BSPH1: variants seen among roughly 807,000 people sequenced by gnomAD.
BSPH1 encodes binder of sperm protein homolog 1.
In BSPH1, 21 loss-of-function variants were observed where a neutral mutation model predicts 22.5. The observed-to-expected ratio is 0.93, with a 90% CI of 0.66 to 1.35. The LOEUF is 1.35. BSPH1 is among the 40% of genes most tolerant of loss of function. The probability of loss-of-function intolerance (pLI) is 0.00; values close to 1 mark genes in which losing one functional copy is unlikely to be tolerated. For missense variants in BSPH1, 141 were observed against 154.2 expected, an observed-to-expected ratio of 0.91 and a Z score of 0.45; for synonymous variants, 42 against 53.6, an observed-to-expected ratio of 0.78 and a Z score of 0.95.
chr19:47,990,379 C>T (rs1969512253), intron 1 of BSPH1, among the ~76,000 whole-genome samples: 1 of 152,020 alleles, frequency 6.6e-6, no homozygotes, highest in Non-Finnish European at 1.5e-5. Flanking sequence ...AATTAGGAGA[C>T]CAGACATTGA....
At chr19:47,977,612 G>C in intron 3 of BSPH1, 108 bp from the exon 4 acceptor site, 1 of 1,474,008 alleles carries the variant, frequency 6.8e-7, no homozygotes, top group Non-Finnish European at 9.0e-7. Flanking sequence ...GTCATTGGCT[G>C]TGGCTGTAGT....
chr19:47,969,473 A>G (rs1969289231), intron 5 of BSPH1, among the ~76,000 whole-genome samples: 1 of 152,274 alleles, frequency 6.6e-6, no homozygotes, highest in East Asian at 1.9e-4. Context: ...GGGGATATTC[A>G]AGTCATGAGG....
chr19:47,972,333 T>A (rs1300997733), intron 5 of BSPH1, among the ~76,000 whole-genome samples: 1 of 151,982 alleles, frequency 6.6e-6, no homozygotes, highest in Admixed American at 6.6e-5. Flanking sequence ...GCAGGTTTAT[T>A]ATACAGGTAA....
At chr19:47,986,964 TG>T (rs765793758) in intron 1 of BSPH1, among the ~76,000 whole-genome samples, 1 of 152,172 alleles carries the variant, frequency 6.6e-6, no homozygotes, top group Non-Finnish European at 1.5e-5. Context: ...CTGTGACTTG[TG>T]GCAGCATCAC....
At chr19:47,974,886 C>T (rs888725902) in intron 5 of BSPH1, among the ~76,000 whole-genome samples, 2 of 152,082 alleles carry the variant, frequency 1.3e-5, no homozygotes, top group African/African-American at 4.8e-5. Flanking sequence ...ACCTCACTCT[C>T]CACTCTCTTC....
At position 47,976,786 on chromosome 19, in the gene BSPH1, C is replaced by A; in HGVS notation, c.325G>T (p.Glu109Ter). 9.0e-6 allele frequency: 14 copies of A among 1,551,538 alleles called. No homozygotes were observed. The highest frequency in any genetic ancestry group is 1.2e-5 in the Non-Finnish European group (14 of 1,146,816). ...GAACACCATTTTTTCCCAAATGCTT[C>A]CCCATCATCAGTACACTCCCAGTAG... is the stretch of plus-strand genomic sequence containing the variant. ...LIYWECTDDG[E>*]AFGKKWCSLT... The change falls in exon 5 of 6, where the codon GAA (glutamate) becomes TAA (stop). Residue 109 changes from glutamate (E) to a stop codon, truncating the protein, a stop_gained. Coordinates refer to ENST00000344839, the MANE Select transcript of BSPH1 (RefSeq NM_001128326.2). LOFTEE classifies it high-confidence loss of function.
intron 5 of BSPH1, among the ~76,000 whole-genome samples, chr19:47,972,228 G>C (rs1316769873): frequency 6.6e-6 from 1 of 151,852 alleles, no homozygotes; most frequent in Non-Finnish European, 1.5e-5. Context: ...ACCTCATTGA[G>C]GTTGGCAGAC....
intron 5 of BSPH1, among the ~76,000 whole-genome samples, chr19:47,969,700 AGAGAGAG>A (rs1301562545): frequency 2.7e-5 from 4 of 150,310 alleles, no homozygotes; most frequent in Non-Finnish European, 3.0e-5. Context: ...AGAGAGAGAG[AGAGAGAG>A]AGAGAGAGAG....
intron 1 of BSPH1, among the ~76,000 whole-genome samples, chr19:47,984,360 A>G (rs1969449491): frequency 1.3e-5 from 2 of 151,862 alleles, no homozygotes; most frequent in Non-Finnish European, 2.9e-5. Context: ...AGAATGGAAG[A>G]AGACAAAGCT....
In BSPH1 at chr19:47,976,740, T is replaced by C; in HGVS notation, c.371A>G (p.Lys124Arg). 4 of 1,551,948 alleles carry C rather than the reference T, an allele frequency of 2.6e-6. No individual in the cohort carries two copies. Among genetic ancestry groups the C allele is most frequent in the Non-Finnish European group, 3.5e-6 (4 of 1,147,020 alleles). Residue 124 changes from lysine (K) to arginine (R), a missense_variant, in exon 5 of 6, where the codon AAG (lysine) becomes AGG (arginine). Physicochemically the swap from Lys to Arg is conservative, Grantham distance 26. Transcript: ENST00000344839. ...TTCACAGTATTTCCAAATTCGGTCC[T>C]TGTTAAAATTCTTGGTCAGTGAACA... The part of the protein sequence containing the change: ...KWCSLTKNFN[K>R]DRIWKYCE
chr19:47,988,340 C>T (rs913350114), intron 1 of BSPH1, among the ~76,000 whole-genome samples: 3 of 152,164 alleles, frequency 2.0e-5, no homozygotes, highest in Non-Finnish European at 4.4e-5. Flanking sequence ...TTTAATCTTC[C>T]AGCAACCCTG....
intron 1 of BSPH1, among the ~76,000 whole-genome samples, chr19:47,991,787 T>C (rs12985586): frequency 1.2e-4 from 6 of 50,612 alleles, no homozygotes; most frequent in Non-Finnish European, 2.0e-4. Flanking sequence ...TCCCCCCTTC[T>C]CCCCCCTTTC....
In BSPH1 at chr19:47,979,582, G is replaced by GA; in HGVS notation, c.111dup (p.Pro38SerfsTer15). 1 of 1,345,556 alleles carries GA rather than the reference G, an allele frequency of 7.4e-7. No homozygotes were observed. Among genetic ancestry groups the GA allele is most frequent in the Non-Finnish European group, 1.0e-6 (1 of 994,226 alleles). The allele number at this position is 1,345,556 out of a possible 1,614,324, so 83.4% of individuals were successfully genotyped here. On this transcript the variant is annotated frameshift_variant, in exon 3 of 6. Transcript: ENST00000344839. LOFTEE classifies it high-confidence loss of function. ...CTGATCGACTTACCTGTAACTTCTGGAAAATGAGTTATAGTTTCTGAAAAA... is the reference window on the plus strand; with the variant it reads ...CTGATCGACTTACCTGTAACTTCTGGAAAAATGAGTTATAGTTTCTGAAAAA...
At chr19:47,976,518 C>T (rs116385587) in intron 5 of BSPH1, among the ~76,000 whole-genome samples, 192 bp downstream of exon 5, 1 of 149,528 alleles carries the variant, frequency 6.7e-6, no homozygotes, top group East Asian at 1.9e-4. Context: ...ATATTAAAAC[C>T]CCATAATCCT....
chr19:47,984,239 T>A (rs925448415), intron 1 of BSPH1, among the ~76,000 whole-genome samples: 6 of 147,868 alleles, frequency 4.1e-5, no homozygotes, highest in Admixed American at 2.7e-4. Context: ...TATTATATAT[T>A]TTTAAATTCA....
intron 1 of BSPH1, among the ~76,000 whole-genome samples, chr19:47,986,847 C>A (rs1338677164): frequency 6.6e-6 from 1 of 152,142 alleles, no homozygotes; most frequent in Non-Finnish European, 1.5e-5. Context: ...GATCTGGAGG[C>A]CAGAAGGCCA....
intron 1 of BSPH1, among the ~76,000 whole-genome samples, chr19:47,988,089 T>C (rs1028623874): frequency 2.6e-5 from 4 of 152,120 alleles, no homozygotes; most frequent in African/African-American, 7.2e-5. Flanking sequence ...TTCAGTAACA[T>C]GGATGAACCT....
At chr19:47,972,817 A>G (rs944988724) in intron 5 of BSPH1, among the ~76,000 whole-genome samples, 2 of 151,686 alleles carry the variant, frequency 1.3e-5, no homozygotes, top group African/African-American at 2.4e-5. Flanking sequence ...TTTCCTTCCT[A>G]TATATGCGTG....
At chr19:47,987,510 C>T (rs1969482735) in intron 1 of BSPH1, among the ~76,000 whole-genome samples, 1 of 151,902 alleles carries the variant, frequency 6.6e-6, no homozygotes, top group African/African-American at 2.4e-5. Context: ...CTCAGCCTCC[C>T]AAGTAGCTGG....
Sources: gnomAD v4.1 joint callset for allele counts (sites outside exome capture counted in the v4.1 genomes callset) on GRCh38, gnomAD v4.1.1 for gene constraint, MANE v1.5 for transcripts, NCBI Gene and HGNC (gene_info 2026-07-23, HGNC 2026-07-21) for gene names.